Variants in ABCG2 observed in about 807,000 individuals in gnomAD.
The protein encoded by ABCG2 is ATP binding cassette subfamily G member 2 (JR blood group), also known as broad substrate specificity ATP-binding cassette transporter ABCG2.
ABCG2 carries 80 observed loss-of-function variants against 73.5 expected under a neutral mutation model. The observed-to-expected ratio is 1.09, with a 90% CI of 0.91 to 1.31. ABCG2 has a LOEUF of 1.31. Ranked by LOEUF, ABCG2 falls within the 50% of genes most tolerant of loss-of-function variation. The probability of loss-of-function intolerance (pLI) is 0.00; values close to 1 mark genes in which losing one functional copy is unlikely to be tolerated. For missense variants in ABCG2, 796 were observed against 786.2 expected, an observed-to-expected ratio of 1.01 and a Z score of -0.15; for synonymous variants, 269 against 282.4, an observed-to-expected ratio of 0.95 and a Z score of 0.48.
In ABCG2 at chr4:88,114,880, T is replaced by G. The variant is rs539068341; in HGVS notation, c.943+77A>C. ...TCAACAGAAATTCACAAAGCCACAT[T>G]TTAATTAGCCACCACATTGCTAAAC... is the stretch of plus-strand genomic sequence containing the variant. On this transcript the variant is annotated intron_variant, in intron 8 of 15. Coordinates refer to ENST00000237612, the MANE Select transcript of ABCG2 (RefSeq NM_004827.3). 3.2e-6 allele frequency: 3 copies of G among 937,678 alleles called. No homozygotes were observed. The East Asian group carries it at 7.8e-5, about 24-fold the overall frequency. The allele number at this position is 937,678 out of a possible 1,614,324, so 58.1% of individuals were successfully genotyped here. A position where few individuals can be genotyped will look rare whatever the true frequency, so the allele number is the denominator to read the frequency against.
At chr4:88,159,540 T>C (rs1727190191), upstream of ABCG2, among the ~76,000 whole-genome samples, 1 of 150,198 alleles carries the variant, frequency 6.7e-6, no homozygotes, top group Admixed American at 6.8e-5. Context: ...ATTGCGCATG[T>C]TCAGGAAACG....
At chr4:88,107,342 G>T in intron 9 of ABCG2, 76 bp from the exon 10 acceptor site, 3 of 958,288 alleles carry the variant, frequency 3.1e-6, no homozygotes, top group Non-Finnish European at 4.7e-6. Flanking sequence ...CCATTTATTA[G>T]TATAATATAT....
chr4:88,156,109 T>G (rs1275815049), intron 1 of ABCG2, among the ~76,000 whole-genome samples: 2 of 151,624 alleles, frequency 1.3e-5, no homozygotes, highest in African/African-American at 4.8e-5. Flanking sequence ...GCATGATAGC[T>G]CACACCTGTA....
intron 9 of ABCG2, among the ~76,000 whole-genome samples, chr4:88,110,007 T>C (rs977750357): frequency 2.0e-5 from 3 of 152,236 alleles, no homozygotes; most frequent in Admixed American, 6.5e-5. Flanking sequence ...TGGAGTGCAG[T>C]GGTGTAATCA....
intron 1 of ABCG2, among the ~76,000 whole-genome samples, chr4:88,155,047 G>C (rs1422709325): frequency 1.3e-5 from 2 of 152,166 alleles, no homozygotes; most frequent in African/African-American, 4.8e-5. Context: ...GTAATGAAAA[G>C]GGTTGGGATG....
At chr4:88,215,320 C>T (rs1193711558) in intron 1 of ABCG2, among the ~76,000 whole-genome samples, 1 of 152,080 alleles carries the variant, frequency 6.6e-6, no homozygotes, top group South Asian at 2.1e-4. Context: ...CAATGAAATC[C>T]TGGACTCAAT....
chr4:88,159,249 G>A (rs45604438), upstream of ABCG2: 2 of 455,342 alleles, frequency 4.4e-6, no homozygotes, highest in African/African-American at 4.0e-5. Flanking sequence ...TGGCCGGAGC[G>A]CCGAAGCACC....
At chr4:88,132,504 CA>C (rs5860119) in intron 3 of ABCG2, 71 bp downstream of exon 3, 94 of 1,501,758 alleles carry the variant, frequency 6.3e-5, no homozygotes, top group Non-Finnish European at 7.4e-5. Context: ...TGCTCGCACA[CA>C]AAAAAAAGTG....
chr4:88,143,940 T>C (rs568332237), intron 1 of ABCG2, among the ~76,000 whole-genome samples: 54 of 152,310 alleles, frequency 3.5e-4, no homozygotes, highest in African/African-American at 1.1e-3. Context: ...CTAATGAATA[T>C]AGTATTCTGG....
chr4:88,157,165 A>G (rs370505685), intron 1 of ABCG2, among the ~76,000 whole-genome samples: 54 of 152,334 alleles, frequency 3.5e-4, no homozygotes, highest in East Asian at 1.3e-3. Context: ...TACTTCTGTG[A>G]CATTTTTCCC....
chr4:88,170,265 C>T (rs1466757356), intron 1 of ABCG2, among the ~76,000 whole-genome samples: 1 of 152,162 alleles, frequency 6.6e-6, no homozygotes, highest in African/African-American at 2.4e-5. Context: ...ATTCCCTTCC[C>T]TTTCCCACCT....
chr4:88,176,157 GT>G (rs139194019), intron 1 of ABCG2, among the ~76,000 whole-genome samples: 1 of 150,706 alleles, frequency 6.6e-6, no homozygotes, highest in East Asian at 1.9e-4. Flanking sequence ...GATTATTCTT[GT>G]TTTTTTTTTC....
At position 88,144,967 on chromosome 4, in the gene ABCG2, G is replaced by GA. The variant is rs113016922; in HGVS notation, c.-19-4954dup. ...TTCATACAATGAAAACTGAGAAGAG[G>GA]AAAAAAAAAAAAGTGCACAGGTAGA... On this transcript the variant is annotated intron_variant, in intron 1 of 15. Coordinates refer to ENST00000237612, the MANE Select transcript of ABCG2 (RefSeq NM_004827.3). 1.5e-3 allele frequency among the ~76,000 whole-genome samples: 216 copies of GA among 143,818 alleles called. 7 individuals carry two copies. The South Asian group carries it at 0.022, about 14-fold the overall frequency. The allele number at this position is 143,818 out of a possible 152,430, so 94.4% of individuals were successfully genotyped here. A position where few individuals can be genotyped will look rare whatever the true frequency, so the allele number is the denominator to read the frequency against.
intron 1 of ABCG2, among the ~76,000 whole-genome samples, chr4:88,179,999 A>AG (rs1728169197): frequency 6.6e-6 from 1 of 152,150 alleles, no homozygotes; most frequent in African/African-American, 2.4e-5. Context: ...AGGTAGAGAG[A>AG]GGGGGGTAGA....
chr4:88,143,013 T>G (rs1725745501), intron 1 of ABCG2, among the ~76,000 whole-genome samples: 1 of 152,136 alleles, frequency 6.6e-6, no homozygotes. Flanking sequence ...ATATACAGAA[T>G]TTTTTCATCA....
chr4:88,119,003 G>A (rs945998567), intron 6 of ABCG2, among the ~76,000 whole-genome samples: 1 of 152,258 alleles, frequency 6.6e-6, no homozygotes, highest in South Asian at 2.1e-4. Flanking sequence ...GATAAGGTTT[G>A]GCTGTGTGCC....
chr4:88,191,121 T>C (rs906037827), intron 1 of ABCG2, among the ~76,000 whole-genome samples: 2 of 150,516 alleles, frequency 1.3e-5, no homozygotes, highest in Non-Finnish European at 3.0e-5. Flanking sequence ...GGAGGGTGCC[T>C]GTAGTCCCAG....
chr4:88,104,281 C>A (rs1722626997), intron 10 of ABCG2, among the ~76,000 whole-genome samples: 1 of 152,178 alleles, frequency 6.6e-6, no homozygotes. Flanking sequence ...TCAGAGAATT[C>A]ATCCCCAAAG....
chr4:88,116,266 G>A (rs2110013227), intron 7 of ABCG2, among the ~76,000 whole-genome samples: 1 of 152,092 alleles, frequency 6.6e-6, no homozygotes, highest in East Asian at 1.9e-4. Context: ...TCCAAATAGA[G>A]AACAAATCCC....
Sources: gnomAD v4.1 joint callset for allele counts (sites outside exome capture counted in the v4.1 genomes callset) on GRCh38, gnomAD v4.1.1 for gene constraint, MANE v1.5 for transcripts, NCBI Gene and HGNC (gene_info 2026-07-23, HGNC 2026-07-21) for gene names.